Variants in SPOPL observed in about 807,000 individuals in gnomAD.
SPOPL encodes speckle type BTB/POZ protein like, also known as speckle-type POZ protein-like.
In SPOPL, 23 loss-of-function variants were observed where a neutral mutation model predicts 53.8. The observed-to-expected ratio is 0.43, with a 90% confidence interval of 0.31 to 0.61. The LOEUF is 0.61. Ranked by LOEUF, SPOPL falls within the 20% of genes least tolerant of loss-of-function variation. SPOPL has a pLI of 0.12. For missense variants in SPOPL, 442 were observed against 466.9 expected (o/e 0.95, Z 0.49); for synonymous variants, 164 against 149.7 (o/e 1.10, Z -0.70).
At chr2:138,558,933 C>A in intron 5 of SPOPL, 89 bp from the exon 6 acceptor site, 1 of 1,121,942 alleles carries the variant, frequency 8.9e-7, no homozygotes, top group Non-Finnish European at 1.2e-6. Context: ...TCCAAATAAG[C>A]TTAAACATAA....
At chr2:138,553,096 A>G (rs1038195232) in intron 5 of SPOPL, among the ~76,000 whole-genome samples, 6 of 152,106 alleles carry the variant, frequency 3.9e-5, no homozygotes. Context: ...TACCTGGAAA[A>G]CATTGAGAAG....
At chr2:138,535,771 A>G (rs150006611) in intron 1 of SPOPL, among the ~76,000 whole-genome samples, 22 of 151,948 alleles carry the variant, frequency 1.4e-4, no homozygotes, top group African/African-American at 5.3e-4. Flanking sequence ...CATTATATAC[A>G]TGTCAGTGTG....
intron 1 of SPOPL, among the ~76,000 whole-genome samples, chr2:138,527,981 T>C (rs949634967): frequency 6.6e-6 from 1 of 152,218 alleles, no homozygotes; most frequent in African/African-American, 2.4e-5. Flanking sequence ...GGGAGAGTGC[T>C]CTATTTGATT....
chr2:138,503,281 T>TA (rs1332527056), intron 1 of SPOPL, among the ~76,000 whole-genome samples: 1 of 152,218 alleles, frequency 6.6e-6, no homozygotes, highest in Non-Finnish European at 1.5e-5. Flanking sequence ...TTGGGGAAGT[T>TA]ACTTAATATT....
intron 1 of SPOPL, among the ~76,000 whole-genome samples, chr2:138,533,517 G>A (rs1684858901): frequency 6.6e-6 from 1 of 151,948 alleles, no homozygotes; most frequent in Non-Finnish European, 1.5e-5. Flanking sequence ...ATATATCTAA[G>A]CATATAATAA....
chr2:138,502,698 A>G (rs1459978534), intron 1 of SPOPL, among the ~76,000 whole-genome samples: 4 of 152,086 alleles, frequency 2.6e-5, no homozygotes, highest in South Asian at 2.1e-4. Flanking sequence ...ATTTTTGCTC[A>G]CTTATACCAG....
chr2:138,530,180 C>T (rs574401286), intron 1 of SPOPL, among the ~76,000 whole-genome samples: 2 of 152,152 alleles, frequency 1.3e-5, no homozygotes, highest in African/African-American at 2.4e-5. Flanking sequence ...GTGTAGTATT[C>T]TGTGGTGTAT....
chr2:138,522,295 C>G (rs1684576094), intron 1 of SPOPL, among the ~76,000 whole-genome samples: 1 of 152,144 alleles, frequency 6.6e-6, no homozygotes, highest in African/African-American at 2.4e-5. Context: ...GTAATTCAAC[C>G]TGATACAATT....
chr2:138,554,915 C>T (rs527342995), intron 5 of SPOPL, among the ~76,000 whole-genome samples: 3 of 152,174 alleles, frequency 2.0e-5, no homozygotes, highest in African/African-American at 4.8e-5. Context: ...TGTCTTAGTC[C>T]ATTTCGTGTT....
intron 8 of SPOPL, among the ~76,000 whole-genome samples, chr2:138,563,956 C>G (rs139523014): frequency 2.2e-3 from 341 of 152,310 alleles, no homozygotes; most frequent in African/African-American, 7.3e-3. Context: ...TAGGCAATAA[C>G]ATTCATGATT....
intron 1 of SPOPL, among the ~76,000 whole-genome samples, chr2:138,546,696 C>T (rs1685202606): frequency 6.6e-6 from 1 of 151,924 alleles, no homozygotes; most frequent in Non-Finnish European, 1.5e-5. Context: ...ACTTTGGAGC[C>T]AGGCAAATTT....
At chr2:138,516,727 G>A (rs1033103751) in intron 1 of SPOPL, among the ~76,000 whole-genome samples, 1 of 152,202 alleles carries the variant, frequency 6.6e-6, no homozygotes, top group African/African-American at 2.4e-5. Flanking sequence ...TCACACAGTT[G>A]CCAAACAGTT....
chr2:138,542,014 C>T (rs942149176), intron 1 of SPOPL, among the ~76,000 whole-genome samples: 2 of 152,124 alleles, frequency 1.3e-5, no homozygotes, highest in African/African-American at 4.8e-5. Flanking sequence ...CATTAAGGAG[C>T]AGGTTGTTCA....
intron 1 of SPOPL, among the ~76,000 whole-genome samples, chr2:138,543,088 T>G (rs181975813): frequency 8.5e-5 from 13 of 152,220 alleles, no homozygotes; most frequent in Admixed American, 2.0e-4. Context: ...GCTTGTAGAG[T>G]TTCTGCCGAG....
intron 1 of SPOPL, among the ~76,000 whole-genome samples, chr2:138,518,399 C>T (rs1684490968): frequency 6.6e-6 from 1 of 152,152 alleles, no homozygotes; most frequent in South Asian, 2.1e-4. Context: ...TCCTGTAATA[C>T]TCCTGTAATA....
At chr2:138,544,883 C>A (rs138196376) in intron 1 of SPOPL, among the ~76,000 whole-genome samples, 9 of 152,308 alleles carry the variant, frequency 5.9e-5, no homozygotes, top group South Asian at 2.1e-4. Flanking sequence ...CTCCACCCCC[C>A]ACCTGTTTTC....
chr2:138,522,470 G>T (rs1033343985), intron 1 of SPOPL, among the ~76,000 whole-genome samples: 6 of 151,820 alleles, frequency 4.0e-5, no homozygotes, highest in African/African-American at 1.2e-4. Context: ...TTAAAACTGG[G>T]GTCCTGTGTA....
chr2:138,546,174 A>G (rs986151834), intron 1 of SPOPL, among the ~76,000 whole-genome samples: 11 of 152,232 alleles, frequency 7.2e-5, no homozygotes, highest in African/African-American at 2.7e-4. Flanking sequence ...TTGAAGTAGA[A>G]AGTCTTGTGT....
chr2:138,569,002 A>G lies in SPOPL; in HGVS notation c.1101A>G (p.Val367=), dbSNP rs927281979. 6.2e-7 allele frequency: 1 copy of G among 1,614,112 alleles called. No individual in the cohort carries two copies. The highest frequency in any genetic ancestry group is 1.7e-5 in the Admixed American group (1 of 60,016). ...KSMIQSHPHL[V]AEAFRALASA... is the part of the protein sequence containing the mutation. ...TGATTCAGTCTCACCCTCATTTAGT[A>G]GCAGAAGCCTTTCGAGCACTAGCAT... Residue 367 remains valine, a synonymous_variant, in exon 11 of 11, where the codon GTA becomes GTG. Coordinates refer to ENST00000280098, the MANE Select transcript of SPOPL (RefSeq NM_001001664.3).
Sources: allele counts gnomAD v4.1 joint callset (sites outside exome capture counted in the v4.1 genomes callset), GRCh38; gene constraint gnomAD v4.1.1; transcripts MANE v1.5; gene names NCBI Gene and HGNC (gene_info 2026-07-23, HGNC 2026-07-21).